PCSK5: variants seen among roughly 807,000 people sequenced by gnomAD.
The protein encoded by PCSK5 is prohormone convertase 5.
In PCSK5, 129 loss-of-function variants were observed where a neutral mutation model predicts 233.2. The ratio of observed to expected loss-of-function variants is 0.55; its 90% CI spans 0.48 to 0.64. The LOEUF (loss-of-function observed/expected upper bound fraction) is 0.64, where lower values mean the gene tolerates loss of function less well. Ranked by LOEUF, PCSK5 falls within the 30% of genes least tolerant of loss-of-function variation. The pLI is 0.00. For missense variants in PCSK5, 2,076 were observed against 2,430.1 expected (o/e 0.85, Z 3.06); for synonymous variants, 825 against 879.2 (o/e 0.94, Z 1.09).
At chr9:75,990,163 C>CT (rs1826705132) in intron 3 of PCSK5, among the ~76,000 whole-genome samples, 1 of 152,294 alleles carries the variant, frequency 6.6e-6, no homozygotes, top group South Asian at 2.1e-4. Flanking sequence ...AGGCAAGGTG[C>CT]TGATACCCTT....
At chr9:76,003,203 TC>T (rs556804901) in intron 3 of PCSK5, among the ~76,000 whole-genome samples, 333 of 152,274 alleles carry the variant, frequency 2.2e-3, no homozygotes, top group Non-Finnish European at 3.0e-3. Context: ...TCACGTGTGT[TC>T]AATCGTAAAG....
At chr9:76,358,475 TCCC>T (rs1190138095) in intron 37 of PCSK5, 35 bp from the exon 38 acceptor site, 1 of 1,532,476 alleles carries the variant, frequency 6.5e-7, no homozygotes, top group South Asian at 1.2e-5. Context: ...TTTCACTTTT[TCCC>T]TCTTGCCTCT....
chr9:76,060,694 A>T (rs1455440487), intron 5 of PCSK5, among the ~76,000 whole-genome samples: 1 of 152,248 alleles, frequency 6.6e-6, no homozygotes, highest in Non-Finnish European at 1.5e-5. Flanking sequence ...GAGTAATCAG[A>T]GTTGAATCAG....
intron 1 of PCSK5, among the ~76,000 whole-genome samples, chr9:75,901,819 C>T (rs186029063): frequency 1.8e-4 from 28 of 152,148 alleles, no homozygotes; most frequent in African/African-American, 2.9e-4. Context: ...TTAGCCATTG[C>T]GCAGTGAGTA....
At position 76,302,125 on chromosome 9, in the gene PCSK5, T is replaced by A. The variant is rs1200749936; in HGVS notation, c.3524-12T>A. The A allele has an allele frequency of 2.4e-6, 3 of 1,275,402 alleles. No homozygotes were observed. The highest frequency in any genetic ancestry group is 2.1e-6 in the Non-Finnish European group (2 of 972,156). 79.0% of individuals were successfully genotyped at this position (1,275,402 alleles called of 1,614,324 possible). A position where few individuals can be genotyped will look rare whatever the true frequency, so the allele number is the denominator to read the frequency against. ...AAAAAAAAACTAAACACTTTTTTTT[T>A]TAATAAAAAAGAAGCTGTGTCCACT... is the stretch of plus-strand genomic sequence containing the variant. On this transcript the variant is annotated splice_polypyrimidine_tract_variant and intron_variant, in intron 27 of 37. Transcript: ENST00000674117.
At position 76,240,673 on chromosome 9, in the gene PCSK5, G is replaced by A. The variant is rs987677719; in HGVS notation, c.3131G>A (p.Gly1044Glu). Residue 1044 changes from glycine to glutamate, a missense_variant, in exon 24 of 38, where the codon GGA becomes GAA. Physicochemically the swap from Gly to Glu is moderately conservative, Grantham distance 98 (BLOSUM62 -2). This residue lies in a region of PCSK5 where 1,510 missense variants were observed against 1,538.1 expected (regional missense o/e 0.98). Coordinates refer to ENST00000674117, the MANE Select transcript of PCSK5 (RefSeq NM_001372043.1). ...GTCCCTTGTGAAGAAGGATGTCTGGGATGCAGCTTGGGTATGTCCTCTTCC... is the reference window on the plus strand; with the variant it reads ...GTCCCTTGTGAAGAAGGATGTCTGGAATGCAGCTTGGGTATGTCCTCTTCC... Reference protein sequence around the residue: ...ECVPCEEGCLGCSLDDPGTCT... With the variant: ...ECVPCEEGCLECSLDDPGTCT... 2.5e-6 allele frequency: 4 copies of A among 1,580,456 alleles called. No homozygotes were observed. The highest frequency in any genetic ancestry group is 2.3e-5 in the South Asian group (2 of 86,372).
At chr9:76,273,341 T>C (rs1388243977) in intron 24 of PCSK5, among the ~76,000 whole-genome samples, 1 of 152,108 alleles carries the variant, frequency 6.6e-6, no homozygotes, top group Non-Finnish European at 1.5e-5. Context: ...GATATCTTTC[T>C]ACTTGCTTCA....
intron 24 of PCSK5, among the ~76,000 whole-genome samples, chr9:76,262,786 T>C (rs1317716045): frequency 6.6e-6 from 1 of 150,520 alleles, no homozygotes; most frequent in Non-Finnish European, 1.5e-5. Context: ...TGGGATCTAA[T>C]TAAACTAAAG....
At chr9:75,920,255 A>G (rs1823191811) in intron 1 of PCSK5, among the ~76,000 whole-genome samples, 1 of 152,178 alleles carries the variant, frequency 6.6e-6, no homozygotes, top group Non-Finnish European at 1.5e-5. Context: ...TGACAGGGTC[A>G]TAAGCTGTCC....
chr9:75,968,974 A>G (rs1337804029), intron 2 of PCSK5, among the ~76,000 whole-genome samples: 4 of 142,524 alleles, frequency 2.8e-5, no homozygotes, highest in Non-Finnish European at 6.1e-5. Flanking sequence ...TGGAATTGCT[A>G]TAGAGAAGGT....
intron 8 of PCSK5, among the ~76,000 whole-genome samples, chr9:76,097,008 T>C (rs907036032): frequency 6.6e-6 from 1 of 151,758 alleles, no homozygotes; most frequent in African/African-American, 2.4e-5. Flanking sequence ...CTCGGCTCAC[T>C]GCAACCTCTG....
rs1055059706 is a variant in PCSK5 at position 76,136,196 on chromosome 9, A to C, written c.1312+1984A>C. ...TTGTTGATGGCGAGTCCCGTATTTC[A>C]TCTAAACAGGATCATAATAAGATGA... On this transcript the variant is annotated intron_variant, in intron 10 of 37. Transcript: ENST00000674117. Among the ~76,000 whole-genome samples, 11 of 151,902 alleles carry C rather than the reference A, an allele frequency of 7.2e-5. No individual in the cohort carries two copies. The South Asian group carries it at 2.1e-3, about 29-fold the overall frequency.
intron 29 of PCSK5, among the ~76,000 whole-genome samples, chr9:76,310,076 C>A (rs879422650): frequency 6.6e-6 from 1 of 151,906 alleles, no homozygotes; most frequent in Admixed American, 6.6e-5. Flanking sequence ...GGTGAAACCC[C>A]GTGTCTACTA....
chr9:76,091,978 C>T (rs1312898577), intron 7 of PCSK5, among the ~76,000 whole-genome samples: 1 of 152,184 alleles, frequency 6.6e-6, no homozygotes, highest in East Asian at 1.9e-4. Context: ...CAACTCAGGA[C>T]TCTCAACCCC....
intron 3 of PCSK5, among the ~76,000 whole-genome samples, chr9:76,011,081 T>A (rs1827711553): frequency 6.6e-6 from 1 of 152,226 alleles, no homozygotes; most frequent in Non-Finnish European, 1.5e-5. Flanking sequence ...GCAAGTTGCT[T>A]GGTTAGATTC....
intron 16 of PCSK5, among the ~76,000 whole-genome samples, chr9:76,183,070 T>C (rs1357211580): frequency 2.0e-5 from 3 of 152,018 alleles, no homozygotes; most frequent in Non-Finnish European, 4.4e-5. Flanking sequence ...AAGGAGAAAT[T>C]GGGAGACAGA....
At chr9:76,282,942 G>A (rs1373577515) in intron 24 of PCSK5, among the ~76,000 whole-genome samples, 1 of 152,190 alleles carries the variant, frequency 6.6e-6, no homozygotes, top group Non-Finnish European at 1.5e-5. Flanking sequence ...CAAGACTTCA[G>A]TGGAGGAAGT....
chr9:76,021,940 C>T (rs751361383), intron 3 of PCSK5, among the ~76,000 whole-genome samples: 2 of 152,164 alleles, frequency 1.3e-5, no homozygotes, highest in African/African-American at 2.4e-5. Context: ...CCTACCCATC[C>T]TCTTTCTCTT....
intron 33 of PCSK5, among the ~76,000 whole-genome samples, chr9:76,331,146 C>A (rs773772765): frequency 6.6e-6 from 1 of 152,260 alleles, no homozygotes; most frequent in Non-Finnish European, 1.5e-5. Flanking sequence ...ACCACCACAC[C>A]ACCAGGGTCA....
Sources: allele counts gnomAD v4.1 joint callset (sites outside exome capture counted in the v4.1 genomes callset), GRCh38; gene constraint gnomAD v4.1.1; regional missense constraint gnomAD v4.1.1; transcripts MANE v1.5; gene names NCBI Gene and HGNC (gene_info 2026-07-23, HGNC 2026-07-21).